Variants in CNN3 observed in about 807,000 individuals in gnomAD.
CNN3 encodes the protein calponin 3.
A neutral mutation model predicts 39.0 loss-of-function variants in CNN3; 11 were observed. The ratio of observed to expected loss-of-function variants is 0.28; its 90% CI spans 0.18 to 0.47. The LOEUF (loss-of-function observed/expected upper bound fraction) is 0.47. Among genes scored for constraint, CNN3 ranks in the 20% least tolerant of loss-of-function variants. The pLI is 0.99. For missense variants in CNN3, 266 were observed against 403.4 expected (o/e 0.66, Z 2.92); for synonymous variants, 101 against 138.3 (o/e 0.73, Z 1.89).
chr1:94,898,788 GGA>G (rs946153189), intron 6 of CNN3, among the ~76,000 whole-genome samples: 17 of 152,248 alleles, frequency 1.1e-4, no homozygotes, highest in African/African-American at 3.1e-4. Context: ...AATCTCCCTT[GGA>G]CTCGGTAAGA....
chr1:94,923,282 G>A (rs1671494707), intron 1 of CNN3, among the ~76,000 whole-genome samples: 1 of 152,108 alleles, frequency 6.6e-6, no homozygotes, highest in Non-Finnish European at 1.5e-5. Context: ...ATGCATTCAA[G>A]GGCCTGGTTC....
chr1:94,898,565 A>G (rs1224104322), intron 6 of CNN3, among the ~76,000 whole-genome samples: 1 of 152,128 alleles, frequency 6.6e-6, no homozygotes, highest in Admixed American at 6.6e-5. Context: ...TAAGGACTTG[A>G]GTCTTTTCAA....
chr1:94,911,894 A>T (rs2101730344), intron 1 of CNN3, among the ~76,000 whole-genome samples: 1 of 151,856 alleles, frequency 6.6e-6, no homozygotes, highest in African/African-American at 2.4e-5. Flanking sequence ...ACATGGTGAA[A>T]CCCTGTTTCT....
chr1:94,898,529 CAACAGA>C (rs1002824983), intron 6 of CNN3, among the ~76,000 whole-genome samples: 6 of 152,198 alleles, frequency 3.9e-5, no homozygotes, highest in African/African-American at 1.4e-4. Flanking sequence ...ATAATATATT[CAACAGA>C]AACTATGTTG....
intron 1 of CNN3, among the ~76,000 whole-genome samples, chr1:94,917,263 C>T (rs923102918): frequency 2.0e-5 from 3 of 152,084 alleles, no homozygotes; most frequent in Non-Finnish European, 2.9e-5. Flanking sequence ...CTCGAACTCC[C>T]GACCTCAGTT....
chr1:94,922,265 TA>T (rs1322104456), intron 1 of CNN3, among the ~76,000 whole-genome samples: 5 of 152,178 alleles, frequency 3.3e-5, no homozygotes, highest in Non-Finnish European at 7.3e-5. Flanking sequence ...TTTTTTAGAA[TA>T]TTTTCTTTTT....
Position 94,926,277 on chromosome 1 carries a change from G to A in CNN3, c.57+561C>T, listed in dbSNP as rs74101911. Among the ~76,000 whole-genome samples the A allele has an allele frequency of 0.055, 8,396 of 152,276 alleles. 290 individuals are homozygous for A. Among genetic ancestry groups the A allele is most frequent in the African/African-American group, 0.089 (3,682 of 41,568 alleles). ...GCAATCTGCCTCCAAATGCCTCCCA[G>A]GCACCGAGATCGGAGACTGTGATGG... On this transcript the variant is annotated intron_variant, in intron 1 of 6. Transcript: ENST00000370206. This position sits in a 1 kb window ranked among gnomAD's most constrained non-coding sequence, Gnocchi z 4.2.
rs747066574 is a variant in CNN3, at chr1:94,903,204, T to C, written c.180-16A>G. ...GTTTATAAGTCTGAAAAGAAAAATA[T>C]GAGAGACATCTTATTTACTGGCACA... is the stretch of plus-strand genomic sequence containing the variant. On this transcript the variant is annotated splice_polypyrimidine_tract_variant and intron_variant, in intron 2 of 6. Transcript: ENST00000370206. 4.4e-6 allele frequency: 7 copies of C among 1,608,852 alleles called. No individual in the cohort carries two copies. The highest frequency in any genetic ancestry group is 5.9e-6 in the Non-Finnish European group (7 of 1,177,904).
chr1:94,901,562 C>G (rs974163578), intron 5 of CNN3, 107 bp downstream of exon 5: 17 of 684,496 alleles, frequency 2.5e-5, no homozygotes, highest in African/African-American at 2.4e-4. Context: ...ACCCCCCCCC[C>G]AGTACTATAG....
At chr1:94,908,185 A>G (rs759252412) in intron 1 of CNN3, among the ~76,000 whole-genome samples, 14 of 152,212 alleles carry the variant, frequency 9.2e-5, no homozygotes, top group Non-Finnish European at 1.8e-4. Flanking sequence ...CCCTCTAGCC[A>G]GATACAATCA....
rs1670739442 is a variant in CNN3, at chr1:94,896,990, A to G, written c.*752T>C. Reference sequence around the variant, plus strand: ...CAAAAAAAATATTTATTTATAAAAAATACAATGGGATAAGTTTATGCTGAG... The same window carrying G: ...CAAAAAAAATATTTATTTATAAAAAGTACAATGGGATAAGTTTATGCTGAG... On this transcript the variant is annotated 3_prime_UTR_variant, in exon 7 of 7. Coordinates refer to ENST00000370206, the MANE Select transcript of CNN3 (RefSeq NM_001839.5). 1 of 152,396 alleles carries G rather than the reference A, an allele frequency of 6.6e-6. No homozygotes were observed. The highest frequency in any genetic ancestry group is 2.1e-4 in the South Asian group (1 of 4,832). 9.4% of individuals were successfully genotyped at this position (152,396 alleles called of 1,614,324 possible).
chr1:94,917,023 T>C (rs1453247788), intron 1 of CNN3, among the ~76,000 whole-genome samples: 2 of 152,256 alleles, frequency 1.3e-5, no homozygotes, highest in Non-Finnish European at 2.9e-5. Context: ...ACCTAAAGCT[T>C]CCTGGATTTT....
intron 2 of CNN3, 96 bp from the exon 3 acceptor site, chr1:94,903,284 C>A: frequency 6.4e-7 from 1 of 1,554,456 alleles, no homozygotes. Flanking sequence ...TAAGGGAAAG[C>A]ATTAAAGATA....
At chr1:94,919,807 T>G (rs927650038) in intron 1 of CNN3, among the ~76,000 whole-genome samples, 1 of 151,884 alleles carries the variant, frequency 6.6e-6, no homozygotes, top group African/African-American at 2.4e-5. Context: ...TGCCTCCAAT[T>G]CCCTGGCCTT....
At chr1:94,899,662 G>A (rs1670814743) in intron 5 of CNN3, 145 bp from the exon 6 acceptor site, 1 of 748,420 alleles carries the variant, frequency 1.3e-6, no homozygotes, top group Non-Finnish European at 2.1e-6. Context: ...TCTTCTATGT[G>A]TCTACAAACA....
At chr1:94,908,273 C>T (rs769448327) in intron 1 of CNN3, among the ~76,000 whole-genome samples, 1 of 152,204 alleles carries the variant, frequency 6.6e-6, no homozygotes, top group African/African-American at 2.4e-5. Flanking sequence ...CTACATTCAG[C>T]GATTGGCCTG....
intron 1 of CNN3, among the ~76,000 whole-genome samples, chr1:94,918,214 C>T (rs916369891): frequency 1.3e-5 from 2 of 152,110 alleles, no homozygotes; most frequent in Non-Finnish European, 2.9e-5. Flanking sequence ...CTAATTGGGC[C>T]GGGCACAGTG....
chr1:94,908,407 C>G (rs905605751), intron 1 of CNN3, among the ~76,000 whole-genome samples: 95 of 152,232 alleles, frequency 6.2e-4, no homozygotes, highest in Middle Eastern at 3.2e-3. Flanking sequence ...TTGGCTCTCT[C>G]CTCAGGACAG....
chr1:94,903,483 G>A lies in CNN3; in HGVS notation c.99C>T (p.Arg33=), dbSNP rs139635241. The change falls in exon 2 of 7, where the codon CGC becomes CGT. Residue 33 remains arginine (R), a synonymous_variant. Coordinates refer to ENST00000370206, the MANE Select transcript of CNN3 (RefSeq NM_001839.5). ...KYDHQAEEDL[R]NWIEEVTGMS... is the part of the protein sequence containing the mutation. Reference sequence around the variant, plus strand: ...TGCCTGTCACCTCTTCTATCCAATTGCGAAGATCTTCTTCTGCCTGATGAT... The same window carrying A: ...TGCCTGTCACCTCTTCTATCCAATTACGAAGATCTTCTTCTGCCTGATGAT... 3.7e-6 allele frequency: 6 copies of A among 1,613,894 alleles called. No individual in the cohort carries two copies. The highest frequency in any genetic ancestry group is 5.1e-6 in the Non-Finnish European group (6 of 1,179,922).
Sources: gnomAD v4.1 joint callset for allele counts (sites outside exome capture counted in the v4.1 genomes callset) on GRCh38, gnomAD v4.1.1 for gene constraint, Gnocchi (gnomAD v3.1) non-coding constraint, MANE v1.5 for transcripts, NCBI Gene and HGNC (gene_info 2026-07-23, HGNC 2026-07-21) for gene names.